The following RBFOX3 variants were observed in gnomAD, a reference collection of about 807,000 sequenced individuals.
RBFOX3 encodes the protein RNA binding protein fox-1 homolog 3.
In RBFOX3, 17 loss-of-function variants were observed where a neutral mutation model predicts 48.7. The observed-to-expected ratio is 0.35, with a 90% CI of 0.24 to 0.52. The LOEUF is 0.52. Among genes scored for constraint, RBFOX3 ranks in the 20% least tolerant of loss-of-function variants. The probability of loss-of-function intolerance (pLI) is 0.94; values close to 1 mark genes in which losing one functional copy is unlikely to be tolerated. For synonymous variants in RBFOX3, 212 were observed against 209.5 expected (o/e 1.01, Z -0.10); for missense variants, 382 against 497.5 (o/e 0.77, Z 2.21).
chr17:79,422,146 G>A lies in RBFOX3; in HGVS notation c.-175+60308C>T, dbSNP rs79778253. On this transcript the variant is annotated intron_variant, in intron 2 of 14. Transcript: ENST00000693108. ...GGGAGGAGAGGAGAGGTCCTGAGAA[G>A]GCCCTCTGATGATAGCTGCTCTGGA... Among the ~76,000 whole-genome samples the A allele has an allele frequency of 8.7e-3, 1,317 of 152,206 alleles. 19 individuals are homozygous for A. The highest frequency in any genetic ancestry group is 0.03 in the African/African-American group (1,257 of 41,510).
intron 3 of RBFOX3, among the ~76,000 whole-genome samples, chr17:79,289,409 C>T (rs900057726): frequency 6.6e-6 from 1 of 152,240 alleles, no homozygotes; most frequent in Admixed American, 6.5e-5. Flanking sequence ...GCAGCCTCGC[C>T]AGCCATCAGC....
At chr17:79,464,758 TG>T (rs2149314033) in intron 2 of RBFOX3, among the ~76,000 whole-genome samples, 1 of 152,330 alleles carries the variant, frequency 6.6e-6, no homozygotes, top group Non-Finnish European at 1.5e-5. Context: ...CCAGGCACAC[TG>T]AGGCCAGGGC....
intron 2 of RBFOX3, among the ~76,000 whole-genome samples, chr17:79,357,940 CTAT>C (rs55924430): frequency 0.73 from 108,302 of 149,236 alleles, 40,042 homozygotes; most frequent in Non-Finnish European, 0.82. Flanking sequence ...CCCAAACAAG[CTAT>C]TATTATTATT....
At chr17:79,567,176 C>CTTTTTTTTTTTTT (rs1254348383) in intron 1 of RBFOX3, among the ~76,000 whole-genome samples, 1 of 121,130 alleles carries the variant, frequency 8.3e-6, no homozygotes, top group Non-Finnish European at 1.8e-5. Flanking sequence ...TTCTTTCTTT[C>CTTTTTTTTTTTTT]TTTCTTTTTT....
chr17:79,614,065 G>T (rs1419940122), upstream of RBFOX3, among the ~76,000 whole-genome samples: 1 of 152,278 alleles, frequency 6.6e-6, no homozygotes, highest in East Asian at 1.9e-4. Context: ...GGGCAGCGGG[G>T]AGGCACAGGA....
chr17:79,115,786 T>C (rs1280625001), intron 4 of RBFOX3, 38 bp from the exon 5 acceptor site: 2 of 625,734 alleles, frequency 3.2e-6, no homozygotes, highest in South Asian at 1.8e-5. Flanking sequence ...GTTAGAATCT[T>C]GTCCCCTTCC....
At chr17:79,125,429 G>A (rs2036940656) in intron 4 of RBFOX3, among the ~76,000 whole-genome samples, 1 of 152,246 alleles carries the variant, frequency 6.6e-6, no homozygotes, top group South Asian at 2.1e-4. Flanking sequence ...GACCCCCAGA[G>A]GTGTCTGCCC....
Position 79,214,421 on chromosome 17 carries a change from C to G in RBFOX3, c.-34+21345G>C, listed in dbSNP as rs1476127543. On this transcript the variant is annotated intron_variant, in intron 4 of 14. Coordinates refer to ENST00000693108, the MANE Select transcript of RBFOX3 (RefSeq NM_001350451.2). The surrounding 1 kb of genome is among the most constrained non-coding windows in gnomAD (Gnocchi z 4.7). ...CCAGCAACCAGGGAGGGTGGGGGCT[C>G]TCTTCTTGAGAAAAGTGATGCAAAG... Among the ~76,000 whole-genome samples, 1 of 152,162 alleles carries G rather than the reference C, an allele frequency of 6.6e-6. No individual in the cohort carries two copies. The highest frequency in any genetic ancestry group is 1.5e-5 in the Non-Finnish European group (1 of 68,020).
intron 2 of RBFOX3, among the ~76,000 whole-genome samples, chr17:79,415,106 G>T (rs1056309810): frequency 3.3e-5 from 5 of 152,192 alleles, no homozygotes. Flanking sequence ...TTCTGAGTCT[G>T]GGGAGTTCAA....
At chr17:79,463,395 T>C (rs1221964649) in intron 2 of RBFOX3, among the ~76,000 whole-genome samples, 1 of 69,548 alleles carries the variant, frequency 1.4e-5, no homozygotes. Context: ...TCCACCACCA[T>C]CGCCACCGCC....
At chr17:79,139,643 T>C (rs891791219) in intron 4 of RBFOX3, among the ~76,000 whole-genome samples, 1 of 152,180 alleles carries the variant, frequency 6.6e-6, no homozygotes, top group Non-Finnish European at 1.5e-5. Flanking sequence ...GGTGGGCACG[T>C]GGCTGTGATG....
the RBFOX3 span, among the ~76,000 whole-genome samples, chr17:79,628,613 G>T: frequency 6.6e-6 from 1 of 152,138 alleles, no homozygotes. Flanking sequence ...GGCACTCGGT[G>T]CATTCACCAT....
Position 79,243,220 on chromosome 17 carries a change from C to G in RBFOX3, c.-73-7415G>C, listed in dbSNP as rs138410756. On this transcript the variant is annotated intron_variant, in intron 3 of 14. Coordinates refer to ENST00000693108, the MANE Select transcript of RBFOX3 (RefSeq NM_001350451.2). The surrounding 1 kb of genome is among the most constrained non-coding windows in gnomAD (Gnocchi z 7.9). ...AGTTTGCGCGAGACCCACCTGACCA[C>G]AACCTTGTGCTTAGAGCTGATTATT... Among the ~76,000 whole-genome samples the G allele has an allele frequency of 8.7e-3, 1,316 of 152,136 alleles. 18 individuals are homozygous for G. Among genetic ancestry groups the G allele is most frequent in the African/African-American group, 0.03 (1,259 of 41,514 alleles).
Position 79,308,711 on chromosome 17 carries a change from G to GTC in RBFOX3, c.-174-889_-174-888dup, listed in dbSNP as rs371681527. Among the ~76,000 whole-genome samples, 56 of 151,862 alleles carry GTC rather than the reference G, an allele frequency of 3.7e-4. No homozygotes were observed. In the East Asian group the frequency reaches 8.5e-3, roughly 23 times the overall value. Reference sequence around the variant, plus strand: ...GATGAGTGCCTTCATAAGAGTGTCTGTCTCTCTCTCTCTCCTCTCTCTCCA... The same window carrying GTC: ...GATGAGTGCCTTCATAAGAGTGTCTGTCTCTCTCTCTCTCTCCTCTCTCTCCA... On this transcript the variant is annotated intron_variant, in intron 2 of 14. Coordinates refer to ENST00000693108, the MANE Select transcript of RBFOX3 (RefSeq NM_001350451.2).
rs1307784460 is a variant in RBFOX3 at position 79,112,904 on chromosome 17, C to CGGCGGGGGGGGGGGG, written c.222+2589_222+2590insCCCCCCCCCCCCGCC. ...GGTGCCAACCTGGGCAGCAGGCTCTCGGGGGGGGGGTGGGCTGGGTAGGAC... is the reference window on the plus strand; with the variant it reads ...GGTGCCAACCTGGGCAGCAGGCTCTCGGCGGGGGGGGGGGGGGGGGGGGGGTGGGCTGGGTAGGAC... On this transcript the variant is annotated intron_variant, in intron 5 of 14. Transcript: ENST00000693108. Among the ~76,000 whole-genome samples the CGGCGGGGGGGGGGGG allele has an allele frequency of 6.2e-3, 64 of 10,298 alleles. 4 individuals carry two copies. Among genetic ancestry groups the CGGCGGGGGGGGGGGG allele is most frequent in the African/African-American group, 0.012 (26 of 2,168 alleles). The allele number at this position is 10,298 out of a possible 152,430, so 6.8% of individuals were successfully genotyped here.
intron 4 of RBFOX3, among the ~76,000 whole-genome samples, chr17:79,224,682 C>T (rs555874935): frequency 6.6e-6 from 1 of 152,316 alleles, no homozygotes; most frequent in African/African-American, 2.4e-5. Flanking sequence ...GTCCCTCCAG[C>T]TTCCTGGGGA....
At chr17:79,233,741 G>T (rs2061310263) in intron 4 of RBFOX3, 1 of 152,004 alleles carries the variant, frequency 6.6e-6, no homozygotes, top group Admixed American at 6.6e-5. Context: ...CATGTAGCTG[G>T]GATTATAGGT....
the RBFOX3 span, among the ~76,000 whole-genome samples, chr17:79,658,568 T>C: frequency 2.0e-5 from 3 of 151,950 alleles, no homozygotes; most frequent in Non-Finnish European, 4.4e-5. Context: ...CTGCCTGGAA[T>C]AGGCACTGAT....
intron 1 of RBFOX3, among the ~76,000 whole-genome samples, chr17:79,518,634 G>A (rs1048951750): frequency 2.6e-5 from 4 of 152,218 alleles, no homozygotes; most frequent in Non-Finnish European, 4.4e-5. Context: ...CAGGCCTGGC[G>A]GAACAGCCCC....
Sources: gnomAD v4.1 joint callset for allele counts (sites outside exome capture counted in the v4.1 genomes callset) on GRCh38, gnomAD v4.1.1 for gene constraint, Gnocchi (gnomAD v3.1) non-coding constraint, MANE v1.5 for transcripts, NCBI Gene and HGNC (gene_info 2026-07-23, HGNC 2026-07-21) for gene names.